Variants in SNTG1 observed in about 807,000 individuals in gnomAD.
SNTG1 encodes the protein syntrophin gamma 1.
SNTG1 carries 39 observed loss-of-function variants against 74.7 expected under a neutral mutation model. The observed-to-expected ratio is 0.52, with a 90% CI of 0.40 to 0.68. The LOEUF (loss-of-function observed/expected upper bound fraction) is 0.68, where lower values mean the gene tolerates loss of function less well. SNTG1 is among the 30% of genes least tolerant of loss of function. The pLI, the probability that SNTG1 is intolerant of heterozygous loss-of-function variation, is 0.00. For synonymous variants in SNTG1, 254 were observed against 217.1 expected (o/e 1.17, Z -1.49); for missense variants, 685 against 609.5 (o/e 1.12, Z -1.30).
At chr8:50,502,287 A>T (rs2093966806) in intron 8 of SNTG1, among the ~76,000 whole-genome samples, 2 of 152,114 alleles carry the variant, frequency 1.3e-5, no homozygotes, top group Non-Finnish European at 2.9e-5. Flanking sequence ...CTGAATTAGT[A>T]CTCTGGTCAA....
intron 2 of SNTG1, among the ~76,000 whole-genome samples, chr8:50,338,310 ATAGCTCACACTAATGATCTACT>A (rs1396654998): frequency 6.6e-6 from 1 of 152,152 alleles, no homozygotes; most frequent in East Asian, 1.9e-4. Context: ...GACAAATGCA[ATAGCTCACACTAATGATCTACT>A]CACATCAGTT....
chr8:50,731,620 G>C (rs2095513277), intron 17 of SNTG1, among the ~76,000 whole-genome samples: 1 of 151,986 alleles, frequency 6.6e-6, no homozygotes, highest in African/African-American at 2.4e-5. Context: ...CTCCTGTCTG[G>C]GTCTACCTCA....
At chr8:49,912,282 T>C (rs1441079919) in intron 1 of SNTG1, 51 bp downstream of exon 1, 1 of 152,220 alleles carries the variant, frequency 6.6e-6, no homozygotes, top group East Asian at 1.9e-4. Context: ...ATGACTTGTC[T>C]TATGGTTTAA....
chr8:50,459,816 C>T (rs7836540), intron 8 of SNTG1, among the ~76,000 whole-genome samples: 124,567 of 152,162 alleles, frequency 0.82, 51,136 homozygotes, highest in East Asian at 0.88. Context: ...GCCTCCAACT[C>T]TATCCATGTT....
chr8:50,705,521 C>A (rs957386216), intron 16 of SNTG1, among the ~76,000 whole-genome samples: 2 of 151,726 alleles, frequency 1.3e-5, no homozygotes, highest in Non-Finnish European at 2.9e-5. Flanking sequence ...ACTGTGTTTT[C>A]TACTTATTTA....
At chr8:50,416,094 C>T (rs1587540099) in intron 4 of SNTG1, among the ~76,000 whole-genome samples, 1 of 152,090 alleles carries the variant, frequency 6.6e-6, no homozygotes, top group Admixed American at 6.6e-5. Flanking sequence ...TGTATCTTTT[C>T]TCTCTTCATC....
chr8:50,036,098 A>G (rs1035066815), intron 1 of SNTG1, among the ~76,000 whole-genome samples: 2 of 152,224 alleles, frequency 1.3e-5, no homozygotes, highest in African/African-American at 4.8e-5. Flanking sequence ...ATTGGTGTAA[A>G]ATGTGCAACT....
At chr8:50,208,855 G>A (rs1255409939) in intron 2 of SNTG1, among the ~76,000 whole-genome samples, 1 of 152,184 alleles carries the variant, frequency 6.6e-6, no homozygotes, top group Non-Finnish European at 1.5e-5. Flanking sequence ...GGTGATTTCT[G>A]CATTTCCAAG....
chr8:50,704,547 T>C, intron 15 of SNTG1, 53 bp from the exon 16 acceptor site: 1 of 1,612,066 alleles, frequency 6.2e-7, no homozygotes, highest in Middle Eastern at 1.8e-4. Flanking sequence ...AATGGCCAGG[T>C]TAGCAATGTG....
chr8:50,053,186 A>G (rs1819725127), intron 1 of SNTG1, among the ~76,000 whole-genome samples: 1 of 152,166 alleles, frequency 6.6e-6, no homozygotes, highest in African/African-American at 2.4e-5. Context: ...CCAAATGACC[A>G]TTAACTGATG....
chr8:50,525,943 GC>G (rs1203413345), intron 9 of SNTG1, among the ~76,000 whole-genome samples: 1 of 151,674 alleles, frequency 6.6e-6, no homozygotes, highest in African/African-American at 2.4e-5. Context: ...GAAAAAATCA[GC>G]CATGTCTCTT....
chr8:50,692,585 G>T (rs1211360646), intron 15 of SNTG1, among the ~76,000 whole-genome samples: 1 of 152,142 alleles, frequency 6.6e-6, no homozygotes, highest in Non-Finnish European at 1.5e-5. Context: ...AACCGCAAAT[G>T]CTGCTGCCTG....
chr8:50,736,388 A>T (rs2095528722), intron 17 of SNTG1, among the ~76,000 whole-genome samples: 1 of 152,056 alleles, frequency 6.6e-6, no homozygotes, highest in Non-Finnish European at 1.5e-5. Flanking sequence ...ACTATCCTAA[A>T]TATATGCACC....
At chr8:49,919,944 A>G (rs991971058) in intron 1 of SNTG1, among the ~76,000 whole-genome samples, 5 of 152,246 alleles carry the variant, frequency 3.3e-5, no homozygotes, top group African/African-American at 1.2e-4. Flanking sequence ...AGAGTAATAC[A>G]ATAGCGCACA....
intron 8 of SNTG1, among the ~76,000 whole-genome samples, chr8:50,483,313 T>A (rs1359618380): frequency 6.6e-6 from 1 of 152,216 alleles, no homozygotes; most frequent in Non-Finnish European, 1.5e-5. Flanking sequence ...CTATGTATTT[T>A]TTTTCATGTA....
chr8:49,931,754 A>T (rs558281622), intron 1 of SNTG1, among the ~76,000 whole-genome samples: 1 of 152,322 alleles, frequency 6.6e-6, no homozygotes, highest in East Asian at 1.9e-4. Context: ...GAATGTCGCA[A>T]TCACAATACT....
chr8:50,632,580 G>A (rs2095008690), intron 13 of SNTG1, among the ~76,000 whole-genome samples: 1 of 152,092 alleles, frequency 6.6e-6, no homozygotes, highest in Non-Finnish European at 1.5e-5. Context: ...AAAGTGCTGA[G>A]ATTACAGGCA....
intron 8 of SNTG1, among the ~76,000 whole-genome samples, chr8:50,495,018 A>G (rs1447971773): frequency 6.6e-6 from 1 of 152,112 alleles, no homozygotes; most frequent in East Asian, 1.9e-4. Flanking sequence ...GTAATAAATA[A>G]TTATCAAAAT....
intron 2 of SNTG1, among the ~76,000 whole-genome samples, chr8:50,232,909 T>C (rs1327385009): frequency 6.6e-6 from 1 of 151,528 alleles, no homozygotes; most frequent in Non-Finnish European, 1.5e-5. Flanking sequence ...TCAATGATTC[T>C]GGTGAAATAA....
Sources: allele counts gnomAD v4.1 joint callset (sites outside exome capture counted in the v4.1 genomes callset), GRCh38; gene constraint gnomAD v4.1.1; transcripts MANE v1.5; gene names NCBI Gene and HGNC (gene_info 2026-07-23, HGNC 2026-07-21).